The following MAPK8IP3 variants were observed in gnomAD, a reference collection of about 807,000 sequenced individuals.
MAPK8IP3 encodes mitogen-activated protein kinase 8 interacting protein 3.
MAPK8IP3 carries 49 observed loss-of-function variants against 157.8 expected under a neutral mutation model. The ratio of observed to expected loss-of-function variants is 0.31; its 90% confidence interval spans 0.25 to 0.39. The LOEUF is 0.39. MAPK8IP3 is among the 10% of genes least tolerant of loss of function. MAPK8IP3 has a pLI of 1.00. For synonymous variants in MAPK8IP3, 897 were observed against 777.7 expected, an observed-to-expected ratio of 1.15 and a Z score of -2.55; for missense variants, 1,478 against 1,889.4, an observed-to-expected ratio of 0.78 and a Z score of 4.04.
At position 1,769,020 on chromosome 16, in the gene MAPK8IP3, A is replaced by G. The variant is rs2575330; in HGVS notation, c.*196A>G. On this transcript the variant is annotated 3_prime_UTR_variant, in exon 32 of 32. Coordinates refer to ENST00000610761, the MANE Select transcript of MAPK8IP3 (RefSeq NM_001318852.2). ...CAGCTGGGAGGAGGAGGGGAGGGGA[A>G]CTTCCACCCGAGGGGAAGATGCTCT... The G allele has an allele frequency of 0.99, 631,525 of 637,130 alleles. 313,181 individuals are homozygous for G. Among genetic ancestry groups the G allele is most frequent in the East Asian group, 1 (35,797 of 35,802 alleles). The allele number at this position is 637,130 out of a possible 1,614,324, so 39.5% of individuals were successfully genotyped here. A position where few individuals can be genotyped will look rare whatever the true frequency, so the allele number is the denominator to read the frequency against.
rs757632127 is a variant in MAPK8IP3 at position 1,765,986 on chromosome 16, G to A, written c.2473G>A (p.Gly825Arg). The change falls in exon 21 of 32, where the codon GGG becomes AGG. Residue 825 changes from glycine (G) to arginine (R), a missense_variant. Gly to Arg is a moderately radical substitution (Grantham distance 125). This residue lies in a region of MAPK8IP3 where 669 missense variants were observed against 759.8 expected (regional missense o/e 0.88). Coordinates refer to ENST00000610761, the MANE Select transcript of MAPK8IP3 (RefSeq NM_001318852.2). ...PAASDSDYPP[G>R]EMFLDSDVNP... is the part of the protein sequence containing the mutation. The stretch of plus-strand genomic sequence containing the variant: ...GGCCAGCGACAGCGACTACCCTCCC[G>A]GGGAGATGTTCCTGGACAGCGACGT... 4.3e-5 allele frequency: 69 copies of A among 1,612,416 alleles called. No homozygotes were observed. Among genetic ancestry groups the A allele is most frequent in the Non-Finnish European group, 5.4e-5 (64 of 1,179,836 alleles).
chr16:1,764,897 C>T lies in MAPK8IP3; in HGVS notation c.2281-116C>T, dbSNP rs1051603330. ...GGTCCTGGGGGAGGACAGCCATGTCCCCTCAAGCTGTAGTCAAGGCTGGAT... is the reference window on the plus strand; with the variant it reads ...GGTCCTGGGGGAGGACAGCCATGTCTCCTCAAGCTGTAGTCAAGGCTGGAT... On this transcript the variant is annotated intron_variant, in intron 19 of 31. Transcript: ENST00000610761. The T allele has an allele frequency of 1.5e-5, 15 of 990,770 alleles. No homozygotes were observed. In the African/African-American group the frequency reaches 2.1e-4, roughly 14 times the overall value. The allele number at this position is 990,770 out of a possible 1,614,324, so 61.4% of individuals were successfully genotyped here.
chr16:1,725,231 C>T (rs1251737140), intron 2 of MAPK8IP3, among the ~76,000 whole-genome samples: 1 of 150,938 alleles, frequency 6.6e-6, no homozygotes, highest in African/African-American at 2.4e-5. Context: ...TGCTTAAACT[C>T]TACTGTCAAT....
chr16:1,758,240 G>A (rs1283087549), intron 9 of MAPK8IP3, 81 bp downstream of exon 9: 41 of 1,547,470 alleles, frequency 2.6e-5, no homozygotes, highest in South Asian at 5.7e-5. Flanking sequence ...GAGCTATCCC[G>A]TCACCGTGGC....
At chr16:1,727,743 C>T (rs994538701) in intron 2 of MAPK8IP3, among the ~76,000 whole-genome samples, 1 of 152,182 alleles carries the variant, frequency 6.6e-6, no homozygotes, top group Non-Finnish European at 1.5e-5. Context: ...GTGAGATCCC[C>T]GCGCCAGCAG....
At chr16:1,734,611 G>T (rs1254962315) in intron 4 of MAPK8IP3, among the ~76,000 whole-genome samples, 1 of 152,266 alleles carries the variant, frequency 6.6e-6, no homozygotes, top group African/African-American at 2.4e-5. Flanking sequence ...GGTCAGGGGT[G>T]CTGGGACAGG....
chr16:1,719,162 T>A lies in MAPK8IP3; in HGVS notation c.319-5395T>A, dbSNP rs2038350614. 3.3e-5 allele frequency among the ~76,000 whole-genome samples: 5 copies of A among 152,160 alleles called. No homozygotes were observed. The South Asian group carries it at 1.0e-3, about 32-fold the overall frequency. ...CTAATTATTTTTTGTAGAGGTAAGG[T>A]CTTGTTATATTGCCCAGGCTGGGCT... On this transcript the variant is annotated intron_variant, in intron 1 of 31. Transcript: ENST00000610761.
intron 1 of MAPK8IP3, among the ~76,000 whole-genome samples, chr16:1,712,785 G>A (rs1225438336): frequency 7.1e-4 from 108 of 152,304 alleles, no homozygotes; most frequent in Non-Finnish European, 1.0e-4. Context: ...GGTTTATCTG[G>A]CTAGTTCCCG....
At chr16:1,729,604 G>A (rs746067086) in intron 4 of MAPK8IP3, 26 bp downstream of exon 4, 3 of 1,570,486 alleles carry the variant, frequency 1.9e-6, no homozygotes, top group Non-Finnish European at 8.7e-7. Context: ...CGGGGTGGAG[G>A]TACGCGGGGC....
chr16:1,748,311 G>C lies in MAPK8IP3; in HGVS notation c.1062G>C (p.Met354Ile). The change falls in exon 7 of 32, where the codon ATG (methionine) becomes ATC (isoleucine). Residue 354 changes from methionine to isoleucine, a missense_variant. This residue lies in a region of MAPK8IP3 where 315 missense variants were observed against 394.4 expected (regional missense o/e 0.80). Coordinates refer to ENST00000610761, the MANE Select transcript of MAPK8IP3 (RefSeq NM_001318852.2). The stretch of plus-strand genomic sequence containing the variant: ...TTGACTCCACGCCAGAGCTGGACAT[G>C]TGTCCAGAGACCCGCCTGGACCGCA... ...DIIDSTPELD[M>I]CPETRLDRTG... 3.7e-6 allele frequency: 6 copies of C among 1,613,942 alleles called. No individual in the cohort carries two copies. The highest frequency in any genetic ancestry group is 5.1e-6 in the Non-Finnish European group (6 of 1,180,008).
intron 1 of MAPK8IP3, among the ~76,000 whole-genome samples, chr16:1,715,767 C>T (rs562793134): frequency 2.7e-5 from 4 of 150,814 alleles, no homozygotes; most frequent in Non-Finnish European, 4.4e-5. Context: ...CTCACTCTGT[C>T]GCCTAGGCTG....
chr16:1,734,583 G>A (rs768539368), intron 4 of MAPK8IP3, among the ~76,000 whole-genome samples: 6 of 152,230 alleles, frequency 3.9e-5, no homozygotes, highest in South Asian at 2.1e-4. Flanking sequence ...CCCCTGTCCC[G>A]AGTGCTTGCC....
intron 4 of MAPK8IP3, among the ~76,000 whole-genome samples, chr16:1,739,155 T>C (rs2040397052): frequency 2.4e-5 from 3 of 125,236 alleles, no homozygotes; most frequent in African/African-American, 6.1e-5. Context: ...TGTGTGACCA[T>C]CCGTGTGAGT....
chr16:1,716,408 C>T (rs964333918), intron 1 of MAPK8IP3, among the ~76,000 whole-genome samples: 1 of 151,424 alleles, frequency 6.6e-6, no homozygotes, highest in Admixed American at 6.6e-5. Context: ...AGAGATTCTC[C>T]TGCCTCAGCC....
rs1467164021 is a variant in MAPK8IP3, at chr16:1,766,131, A to G, written c.2618A>G (p.Asp873Gly). ...CSSRGDTPVL[D>G]KGQGEVATIA... ...TCCCGAGGGGACACCCCAGTGCTAG[A>G]CAAGGGGCAGGGTGAGTCCTGGGCG... The change falls in exon 21 of 32, where the codon GAC becomes GGC. Residue 873 changes from aspartate to glycine, a missense_variant. Physicochemically the swap from Asp to Gly is moderately conservative, Grantham distance 94. Around this residue, in one of 11 missense-constraint regions of MAPK8IP3, gnomAD observed 669 missense variants for 759.8 expected, o/e 0.88. Coordinates refer to ENST00000610761, the MANE Select transcript of MAPK8IP3 (RefSeq NM_001318852.2). The G allele has an allele frequency of 1.2e-6, 2 of 1,611,170 alleles. No individual in the cohort carries two copies. Among genetic ancestry groups the G allele is most frequent in the Middle Eastern group, 1.6e-4 (1 of 6,074 alleles).
chr16:1,742,575 C>CA lies in MAPK8IP3; in HGVS notation c.603-756dup, dbSNP rs1261675742. 6.6e-6 allele frequency among the ~76,000 whole-genome samples: 1 copy of CA among 152,192 alleles called. No homozygotes were observed. Among genetic ancestry groups the CA allele is most frequent in the African/African-American group, 2.4e-5 (1 of 41,454 alleles). ...TTTTGCAGTGAGGCAGCCTCATGAA[C>CA]AGGAGTAATGAGGATGGGCAGGAGG... On this transcript the variant is annotated intron_variant, in intron 4 of 31. Transcript: ENST00000610761. This position sits in a 1 kb window ranked among gnomAD's most constrained non-coding sequence, Gnocchi z 5.0.
chr16:1,759,837 T>G, intron 10 of MAPK8IP3, 121 bp from the exon 11 acceptor site: 1 of 836,052 alleles, frequency 1.2e-6, no homozygotes, highest in Non-Finnish European at 2.0e-6. Flanking sequence ...TCCCTGTAGA[T>G]CGGGCGTCAT....
intron 4 of MAPK8IP3, among the ~76,000 whole-genome samples, chr16:1,740,554 G>A (rs1351675172): frequency 2.0e-5 from 3 of 152,142 alleles, no homozygotes; most frequent in Non-Finnish European, 2.9e-5. Flanking sequence ...TCCTTGTCTC[G>A]CCCTCTGTGC....
At chr16:1,767,037 GCTCCCGGGGTTCC>G in intron 25 of MAPK8IP3, 66 bp downstream of exon 25, 1 of 1,568,040 alleles carries the variant, frequency 6.4e-7, no homozygotes, top group Non-Finnish European at 8.7e-7. Context: ...TAGCCAAGGG[GCTCCCGGGGTTCC>G]AGGCCTCTCC....
Sources: gnomAD v4.1 joint callset for allele counts (sites outside exome capture counted in the v4.1 genomes callset) on GRCh38, gnomAD v4.1.1 for gene constraint, gnomAD v4.1.1 regional missense constraint, Gnocchi (gnomAD v3.1) non-coding constraint, MANE v1.5 for transcripts, NCBI Gene and HGNC (gene_info 2026-07-23, HGNC 2026-07-21) for gene names.